VSX1: variants seen among roughly 807,000 people sequenced by gnomAD.
The protein encoded by VSX1 is visual system homeobox 1.
VSX1 carries 23 observed loss-of-function variants against 23.6 expected under a neutral mutation model. The ratio of observed to expected loss-of-function variants is 0.97; its 90% confidence interval spans 0.70 to 1.38. The LOEUF is 1.38. Ranked by LOEUF, VSX1 falls within the 40% of genes most tolerant of loss-of-function variation. VSX1 has a pLI of 0.00. For synonymous variants in VSX1, 247 were observed against 215.1 expected (o/e 1.15, Z -1.30); for missense variants, 517 against 495.4 (o/e 1.04, Z -0.41).
At chr20:25,077,540 A>G in intron 4 of VSX1, 145 bp downstream of exon 4, 4 of 991,524 alleles carry the variant, frequency 4.0e-6, no homozygotes, top group Non-Finnish European at 4.4e-6. Context: ...TTATTAATTA[A>G]AAATAATAAG....
intron 3 of VSX1, 68 bp from the exon 4 acceptor site, chr20:25,077,933 G>A: frequency 1.3e-6 from 2 of 1,526,650 alleles, no homozygotes; most frequent in Middle Eastern, 2.2e-4. Flanking sequence ...TGGAGGAGCG[G>A]AGGCGGCGTC....
chr20:25,076,961 G>A (rs1051171247), intron 4 of VSX1, among the ~76,000 whole-genome samples: 5 of 152,238 alleles, frequency 3.3e-5, no homozygotes, highest in Admixed American at 1.3e-4. Flanking sequence ...CAGTGCCCAG[G>A]ATAGGGCTGC....
intron 1 of VSX1, among the ~76,000 whole-genome samples, chr20:25,080,187 A>G (rs1289625797): frequency 6.7e-6 from 1 of 148,668 alleles, no homozygotes; most frequent in Non-Finnish European, 1.5e-5. Context: ...GATGGAAAAG[A>G]AGGTTAGAAG....
chr20:25,076,434 G>C lies in VSX1; in HGVS notation c.925C>G (p.Gln309Glu). Residue 309 changes from glutamine (Q) to glutamate (E), a missense_variant, in exon 5 of 5, where the codon CAG (glutamine) becomes GAG (glutamate). Gln to Glu is a conservative substitution (Grantham distance 29). Transcript: ENST00000376709. ...EGSSQSESGSQRGSDKVSPEN... is the reference protein window; with the variant it reads ...EGSSQSESGSERGSDKVSPEN... The stretch of plus-strand genomic sequence containing the variant: ...GGGCTCACTTTATCTGAGCCTCTCT[G>C]TGATCCTGACTCACTCTGGCTAGAA... 6.2e-7 allele frequency: 1 copy of C among 1,614,126 alleles called. No homozygotes were observed. Among genetic ancestry groups the C allele is most frequent in the African/African-American group, 1.3e-5 (1 of 75,028 alleles).
chr20:25,071,652 G>A (rs1568860268), downstream of VSX1: 4 of 588,492 alleles, frequency 6.8e-6, no homozygotes, highest in Middle Eastern at 1.8e-3. Flanking sequence ...GCAGCTTTCT[G>A]CACCTGTCAC....
downstream of VSX1, chr20:25,072,629 C>G (rs1228571791): frequency 4.2e-6 from 2 of 470,976 alleles, no homozygotes; most frequent in African/African-American, 4.0e-5. Context: ...TCTCTGCAGC[C>G]CAATGTCTCA....
intron 1 of VSX1, among the ~76,000 whole-genome samples, chr20:25,079,797 TA>T (rs1473482693): frequency 6.6e-6 from 1 of 152,056 alleles, no homozygotes; most frequent in Non-Finnish European, 1.5e-5. Flanking sequence ...AATGGTTAAG[TA>T]ATTTGCCCAA....
intron 2 of VSX1, 68 bp downstream of exon 2, chr20:25,079,368 G>T: frequency 2.0e-6 from 3 of 1,467,666 alleles, no homozygotes; most frequent in East Asian, 2.4e-5. Flanking sequence ...ATTCTCAGAT[G>T]CAGGTGCCAT....
chr20:25,075,202 T>G (rs2089461769), downstream of VSX1, among the ~76,000 whole-genome samples: 1 of 152,174 alleles, frequency 6.6e-6, no homozygotes, highest in Non-Finnish European at 1.5e-5. Context: ...ACACTTTCCT[T>G]GTACTGCCCT....
chr20:25,077,616 G>T, intron 4 of VSX1, 69 bp downstream of exon 4: 1 of 1,525,738 alleles, frequency 6.6e-7, no homozygotes, highest in East Asian at 2.4e-5. Flanking sequence ...TGCCTCGGTG[G>T]GGACACCCTG....
At chr20:25,079,606 C>G in intron 1 of VSX1, 92 bp from the exon 2 acceptor site, 2 of 1,373,082 alleles carry the variant, frequency 1.5e-6, no homozygotes, top group Non-Finnish European at 2.0e-6. Context: ...TTATGAACCT[C>G]TTGGGTACTT....
rs770619928 is a variant in VSX1 at position 25,077,829 on chromosome 20, G to A, written c.664C>T (p.Arg222Trp). ...CTGCTGCCGCCCCAGCGCTTCTCCC[G>A]CTTGCGCCATTTGGCCCTGCGGTTT... ...FQNRRAKWRK[R>W]EKRWGGSSVM... is the part of the protein sequence containing the mutation. The change falls in exon 4 of 5, where the codon CGG (arginine) becomes TGG (tryptophan). Residue 222 changes from arginine (R) to tryptophan (W), a missense_variant. Coordinates refer to ENST00000376709, the MANE Select transcript of VSX1 (RefSeq NM_014588.6). The A allele has an allele frequency of 6.4e-6, 10 of 1,551,812 alleles. No homozygotes were observed. Among genetic ancestry groups the A allele is most frequent in the Non-Finnish European group, 7.0e-6 (8 of 1,147,224 alleles).
At position 25,076,215 on chromosome 20, in the gene VSX1, G is replaced by A; in HGVS notation, c.*46C>T. ...TTTTTGTCTTTTGGAAAATGCCAGT[G>A]AGGAATATGCACATTTTCAGCCTTT... is the stretch of plus-strand genomic sequence containing the variant. On this transcript the variant is annotated 3_prime_UTR_variant, in exon 5 of 5. Coordinates refer to ENST00000376709, the MANE Select transcript of VSX1 (RefSeq NM_014588.6). The A allele has an allele frequency of 6.2e-7, 1 of 1,611,882 alleles. No individual in the cohort carries two copies. The highest frequency in any genetic ancestry group is 8.5e-7 in the Non-Finnish European group (1 of 1,179,292).
At chr20:25,076,956 C>A (rs2089509739) in intron 4 of VSX1, among the ~76,000 whole-genome samples, 1 of 152,198 alleles carries the variant, frequency 6.6e-6, no homozygotes, top group East Asian at 1.9e-4. Context: ...ACCTCCAGTG[C>A]CCAGGATAGG....
In VSX1 at chr20:25,078,623, AT is replaced by A. The variant is rs1600383670; in HGVS notation, c.627+205del. 4.6e-5 allele frequency: 68 copies of A among 1,485,972 alleles called. No individual in the cohort carries two copies. The East Asian group carries it at 1.6e-3, about 36-fold the overall frequency. The allele number at this position is 1,485,972 out of a possible 1,614,324, so 92.0% of individuals were successfully genotyped here. A position where few individuals can be genotyped will look rare whatever the true frequency, so the allele number is the denominator to read the frequency against. On this transcript the variant is annotated intron_variant, in intron 3 of 4. Transcript: ENST00000376709. ...CATTATCATGTGATTTTAAAGAATGATTTGATACTAAATAATAATAAAATGA... is the reference window on the plus strand; with the variant it reads ...CATTATCATGTGATTTTAAAGAATGATTGATACTAAATAATAATAAAATGA...
downstream of VSX1, among the ~76,000 whole-genome samples, chr20:25,075,166 A>G (rs1002606272): frequency 4.6e-5 from 7 of 152,214 alleles, no homozygotes; most frequent in African/African-American, 1.7e-4. Flanking sequence ...CAGTTCCCAG[A>G]GAAAGCCCTC....
chr20:25,076,546 C>G lies in VSX1; in HGVS notation c.813G>C (p.Met271Ile). ...LGSCAPWLLG[M>I]HKKSMGMIRK... ...TTATCATCCCCATGGATTTTTTATG[C>G]ATCCCTTGTAAAAAAAAAAATAAAA... The change falls in exon 5 of 5, where the codon ATG becomes ATC. Residue 271 changes from methionine (M) to isoleucine (I), a missense_variant. Transcript: ENST00000376709. 6.3e-7 allele frequency: 1 copy of G among 1,595,120 alleles called. No homozygotes were observed. The highest frequency in any genetic ancestry group is 8.5e-7 in the Non-Finnish European group (1 of 1,175,300).
At position 25,076,053 on chromosome 20, in the gene VSX1, T is replaced by C; in HGVS notation, c.*208A>G. ...ACCAAGTTAACTGGTTAAAGTGCCA[T>C]TAAGGAACCGTTTCCATTCTAGAAT... On this transcript the variant is annotated 3_prime_UTR_variant, in exon 5 of 5. Transcript: ENST00000376709. 1.5e-6 allele frequency: 1 copy of C among 667,126 alleles called. No homozygotes were observed. Among genetic ancestry groups the C allele is most frequent in the Non-Finnish European group, 2.5e-6 (1 of 399,152 alleles). 41.3% of individuals were successfully genotyped at this position (667,126 alleles called of 1,614,324 possible). A position where few individuals can be genotyped will look rare whatever the true frequency, so the allele number is the denominator to read the frequency against.
In VSX1 at chr20:25,077,790, A is replaced by C. The variant is rs1447731338; in HGVS notation, c.703T>G (p.Tyr235Asp). The C allele has an allele frequency of 6.4e-7, 1 of 1,551,058 alleles. No homozygotes were observed. Among genetic ancestry groups the C allele is most frequent in the Admixed American group, 2.0e-5 (1 of 51,004 alleles). ...RWGGSSVMAE[Y>D]GLYGAMVRHC... ...CGCACCATGGCCCCGTACAGCCCGT[A>C]CTCGGCCATCACGCTGCTGCCGCCC... The change falls in exon 4 of 5, where the codon TAC (tyrosine) becomes GAC (aspartate). Residue 235 changes from tyrosine (Y) to aspartate (D), a missense_variant. Coordinates refer to ENST00000376709, the MANE Select transcript of VSX1 (RefSeq NM_014588.6).
Sources: gnomAD v4.1 joint callset for allele counts (sites outside exome capture counted in the v4.1 genomes callset) on GRCh38, gnomAD v4.1.1 for gene constraint, MANE v1.5 for transcripts, NCBI Gene and HGNC (gene_info 2026-07-23, HGNC 2026-07-21) for gene names.